AFF3: variants seen among roughly 807,000 people sequenced by gnomAD.
AFF3 encodes the protein AF4/FMR2 family member 3.
Under a neutral mutation model 129.7 loss-of-function variants are expected in AFF3, and 32 were observed. The ratio of observed to expected loss-of-function variants is 0.25; its 90% CI spans 0.19 to 0.33. The LOEUF is 0.33. Among genes scored for constraint, AFF3 ranks in the 10% least tolerant of loss-of-function variants. AFF3 has a pLI of 1.00. For synonymous variants in AFF3, 644 were observed against 635.4 expected, an observed-to-expected ratio of 1.01 and a Z score of -0.20; for missense variants, 1,373 against 1,592.0, an observed-to-expected ratio of 0.86 and a Z score of 2.34.
chr2:99,664,966 A>G (rs1251752023), intron 12 of AFF3, among the ~76,000 whole-genome samples: 1 of 152,220 alleles, frequency 6.6e-6, no homozygotes, highest in Non-Finnish European at 1.5e-5. Context: ...CTCCCTGAGG[A>G]AGTGAAAGTT....
In AFF3 at chr2:99,601,510, G is replaced by C; in HGVS notation, c.1296C>G (p.Ser432=). The C allele has an allele frequency of 1.2e-6, 2 of 1,606,720 alleles. No homozygotes were observed. Among genetic ancestry groups the C allele is most frequent in the East Asian group, 2.2e-5 (1 of 44,662 alleles). The change falls in exon 14 of 25, where the codon TCC becomes TCG. Residue 432 remains serine (S), a synonymous_variant. Coordinates refer to ENST00000672756, the MANE Select transcript of AFF3 (RefSeq NM_001386135.1). The part of the protein sequence containing the change: ...SSSSSDSESS[S]GSDSETESSS... ...TGCTCTCGGTCTCCGAGTCAGATCC[G>C]GAGCTGCTCTCTGAGTCGCTGGAGG...
chr2:99,830,741 GACAAAA>G (rs773669417), intron 8 of AFF3, among the ~76,000 whole-genome samples: 18 of 152,084 alleles, frequency 1.2e-4, no homozygotes, highest in South Asian at 4.2e-4. Context: ...TCTCAAAAAA[GACAAAA>G]ACAAAAACAA....
intron 7 of AFF3, among the ~76,000 whole-genome samples, chr2:99,905,384 C>A (rs1377466106): frequency 6.6e-6 from 1 of 152,134 alleles, no homozygotes; most frequent in Non-Finnish European, 1.5e-5. Flanking sequence ...GGATGGTCAC[C>A]CATGAGCCTG....
chr2:100,031,718 T>C (rs1307772572), intron 4 of AFF3, among the ~76,000 whole-genome samples: 1 of 151,954 alleles, frequency 6.6e-6, no homozygotes, highest in Non-Finnish European at 1.5e-5. Flanking sequence ...ATTGAAAGAG[T>C]TTCCAGTGGC....
chr2:100,110,913 C>T (rs1204480468), intron 2 of AFF3, among the ~76,000 whole-genome samples: 1 of 152,184 alleles, frequency 6.6e-6, no homozygotes, highest in Non-Finnish European at 1.5e-5. Flanking sequence ...GCCAATAAGA[C>T]ACCCGTTTAT....
Position 99,715,775 on chromosome 2 carries a change from C to T in AFF3, c.1091+11302G>A, listed in dbSNP as rs188947469. Among the ~76,000 whole-genome samples the T allele has an allele frequency of 3.3e-5, 5 of 151,938 alleles. No individual in the cohort carries two copies. In the East Asian group the frequency reaches 5.8e-4, roughly 18 times the overall value. Reference sequence around the variant, plus strand: ...CAAGCTCCGCCTCCCAGGTTCACGCCGTTCTTCTGCCTCAGCCTCCCGAGT... The same window carrying T: ...CAAGCTCCGCCTCCCAGGTTCACGCTGTTCTTCTGCCTCAGCCTCCCGAGT... On this transcript the variant is annotated intron_variant, in intron 11 of 24. Transcript: ENST00000672756.
intron 4 of AFF3, among the ~76,000 whole-genome samples, chr2:100,060,138 A>G (rs1687146347): frequency 6.6e-6 from 1 of 152,134 alleles, no homozygotes; most frequent in African/African-American, 2.4e-5. Context: ...AGAACAGGTA[A>G]TTTCATAGGA....
At chr2:100,028,505 G>GAA (rs35393608) in intron 4 of AFF3, among the ~76,000 whole-genome samples, 1 of 151,752 alleles carries the variant, frequency 6.6e-6, no homozygotes. Flanking sequence ...TGTTAAATGG[G>GAA]AAAAATCACA....
At chr2:100,105,435 A>G (rs1573442334) in intron 3 of AFF3, 69 bp downstream of exon 3, 1 of 1,319,500 alleles carries the variant, frequency 7.6e-7, no homozygotes, top group South Asian at 1.2e-5. Context: ...TTTGGCCTCC[A>G]GTGGTGGTCC....
At chr2:99,736,760 C>T (rs1233781569) in intron 10 of AFF3, among the ~76,000 whole-genome samples, 1 of 152,046 alleles carries the variant, frequency 6.6e-6, no homozygotes, top group Non-Finnish European at 1.5e-5. Context: ...CAGGCATACG[C>T]CACCACGCCC....
chr2:99,616,024 G>C (rs1336925504), intron 13 of AFF3, among the ~76,000 whole-genome samples: 1 of 152,170 alleles, frequency 6.6e-6, no homozygotes, highest in East Asian at 1.9e-4. Flanking sequence ...TCAGAGGTTA[G>C]ATTCCCAGGG....
In AFF3 at chr2:100,140,871, A is replaced by G. The variant is rs116688867; in HGVS notation, c.-228+1613T>C. 4.3e-3 allele frequency among the ~76,000 whole-genome samples: 655 copies of G among 152,210 alleles called. 2 individuals are homozygous for G. The highest frequency in any genetic ancestry group is 0.015 in the African/African-American group (619 of 41,526). On this transcript the variant is annotated intron_variant, in intron 1 of 24. Transcript: ENST00000672756. The stretch of plus-strand genomic sequence containing the variant: ...CTGTAATGTCACTGCTCTGGCCTTA[A>G]GTGTCACCCCCCAAACCCATTTTAC...
chr2:99,616,626 T>C (rs1681461282), intron 13 of AFF3, among the ~76,000 whole-genome samples: 1 of 151,944 alleles, frequency 6.6e-6, no homozygotes, highest in Non-Finnish European at 1.5e-5. Flanking sequence ...TGTGGTGGTG[T>C]GCACCTGTAG....
intron 8 of AFF3, among the ~76,000 whole-genome samples, chr2:99,793,258 C>T (rs895822685): frequency 1.3e-5 from 2 of 152,340 alleles, no homozygotes; most frequent in African/African-American, 2.4e-5. Context: ...TCCCCTTTCG[C>T]CTTCCATCCT....
chr2:99,638,111 T>C (rs1220908303), intron 13 of AFF3, among the ~76,000 whole-genome samples: 1 of 151,568 alleles, frequency 6.6e-6, no homozygotes, highest in Non-Finnish European at 1.5e-5. Context: ...TCTTGCTCTG[T>C]TGCCTAGGCT....
intron 16 of AFF3, among the ~76,000 whole-genome samples, chr2:99,584,108 C>G (rs537354617): frequency 6.6e-6 from 1 of 152,098 alleles, no homozygotes; most frequent in Non-Finnish European, 1.5e-5. Flanking sequence ...TATGTGAAGC[C>G]AATTCTTAAT....
intron 2 of AFF3, among the ~76,000 whole-genome samples, chr2:100,118,079 A>G (rs1254731286): frequency 6.6e-6 from 1 of 152,138 alleles, no homozygotes; most frequent in African/African-American, 2.4e-5. Context: ...CCTAAACACC[A>G]CATTTACTTC....
chr2:99,955,200 A>G (rs2104241302), intron 7 of AFF3, among the ~76,000 whole-genome samples: 1 of 152,294 alleles, frequency 6.6e-6, no homozygotes, highest in South Asian at 2.1e-4. Context: ...TTAAATAAGG[A>G]TAATAAAATA....
At chr2:100,098,464 GT>G (rs570846032) in intron 4 of AFF3, among the ~76,000 whole-genome samples, 3 of 146,438 alleles carry the variant, frequency 2.0e-5, no homozygotes, top group Non-Finnish European at 3.0e-5. Context: ...ATATTGAGAG[GT>G]TTTTTTTTCT....
Sources: allele counts gnomAD v4.1 joint callset (sites outside exome capture counted in the v4.1 genomes callset), GRCh38; gene constraint gnomAD v4.1.1; transcripts MANE v1.5; gene names NCBI Gene and HGNC (gene_info 2026-07-23, HGNC 2026-07-21).